Variants in ZBTB7C observed in about 807,000 individuals in gnomAD.
ZBTB7C encodes the protein zinc finger and BTB domain-containing protein 7C.
In ZBTB7C, 8 loss-of-function variants were observed where a neutral mutation model predicts 25.7. The observed-to-expected ratio is 0.31, with a 90% CI of 0.18 to 0.56. The LOEUF is 0.56. Among genes scored for constraint, ZBTB7C ranks in the 20% least tolerant of loss-of-function variants. The probability of loss-of-function intolerance (pLI) is 0.91; values close to 1 mark genes in which losing one functional copy is unlikely to be tolerated. For missense variants in ZBTB7C, 824 were observed against 855.2 expected (o/e 0.96, Z 0.46); for synonymous variants, 394 against 369.0 (o/e 1.07, Z -0.78).
rs558365706 is a variant in ZBTB7C, at chr18:48,139,722, C to T, written c.-17+46212G>A. On this transcript the variant is annotated intron_variant, in intron 3 of 4. Transcript: ENST00000590800. ...GCCCCACCACCCCTCCAGCCTCCCT[C>T]GGTGCCAGCTGCCTCCTGGGAACAG... Among the ~76,000 whole-genome samples the T allele has an allele frequency of 1.0e-3, 154 of 152,116 alleles. 1 individual carries two copies. Among genetic ancestry groups the T allele is most frequent in the African/African-American group, 3.6e-3 (150 of 41,516 alleles).
At chr18:48,319,375 C>G (rs892383261) in intron 2 of ZBTB7C, among the ~76,000 whole-genome samples, 1 of 152,118 alleles carries the variant, frequency 6.6e-6, no homozygotes, top group African/African-American at 2.4e-5. Flanking sequence ...GTTTTCCTAT[C>G]CGTTAAATGG....
intron 2 of ZBTB7C, among the ~76,000 whole-genome samples, chr18:48,193,608 G>A (rs536089022): frequency 5.1e-4 from 77 of 152,300 alleles, no homozygotes; most frequent in Non-Finnish European, 7.6e-4. Flanking sequence ...GGCACTTGCC[G>A]CAGCGCTGAG....
intron 2 of ZBTB7C, among the ~76,000 whole-genome samples, chr18:48,251,313 T>G (rs1043954754): frequency 6.6e-6 from 1 of 152,120 alleles, no homozygotes; most frequent in Non-Finnish European, 1.5e-5. Context: ...GTTGATAGCA[T>G]TTATTTGTAT....
intron 3 of ZBTB7C, among the ~76,000 whole-genome samples, chr18:48,136,751 G>A (rs1266835783): frequency 6.6e-6 from 1 of 152,292 alleles, no homozygotes; most frequent in South Asian, 2.1e-4. Context: ...AGAGGTGCGT[G>A]GCCCCACGCC....
intron 2 of ZBTB7C, among the ~76,000 whole-genome samples, chr18:48,238,609 A>G (rs6507826): frequency 0.61 from 92,562 of 152,072 alleles, 29,179 homozygotes; most frequent in East Asian, 0.83. Flanking sequence ...GAAGCAGCAA[A>G]AAGATCTCTG....
chr18:48,086,870 T>C (rs1302399951), intron 3 of ZBTB7C, among the ~76,000 whole-genome samples: 4 of 152,256 alleles, frequency 2.6e-5, no homozygotes, highest in Non-Finnish European at 5.9e-5. Flanking sequence ...AACTCTGTGC[T>C]GGAGTGGGCC....
chr18:48,389,645 CA>C (rs1387352748), intron 1 of ZBTB7C, among the ~76,000 whole-genome samples: 1 of 151,988 alleles, frequency 6.6e-6, no homozygotes, highest in Non-Finnish European at 1.5e-5. Context: ...ACCCTAAGCC[CA>C]AACCCCAGCC....
chr18:48,279,540 G>A (rs1178521661), intron 2 of ZBTB7C, among the ~76,000 whole-genome samples: 1 of 152,190 alleles, frequency 6.6e-6, no homozygotes, highest in African/African-American at 2.4e-5. Context: ...AGGACTGCAC[G>A]GGGCCTGGGG....
intron 2 of ZBTB7C, among the ~76,000 whole-genome samples, chr18:48,256,299 GA>G (rs1171886454): frequency 6.6e-6 from 1 of 151,820 alleles, no homozygotes; most frequent in African/African-American, 2.4e-5. Context: ...ATTACATGCA[GA>G]AAAAAGTATA....
At chr18:48,037,413 T>C (rs891271145) in intron 4 of ZBTB7C, among the ~76,000 whole-genome samples, 5 of 152,316 alleles carry the variant, frequency 3.3e-5, no homozygotes, top group African/African-American at 9.6e-5. Context: ...GAACCTGGAA[T>C]GTCACCCTCC....
At chr18:48,147,009 A>G (rs531723344) in intron 3 of ZBTB7C, among the ~76,000 whole-genome samples, 1 of 152,344 alleles carries the variant, frequency 6.6e-6, no homozygotes, top group African/African-American at 2.4e-5. Context: ...GTCTTCAACA[A>G]TCAGGGACTA....
At chr18:48,076,940 C>A (rs1293339615) in intron 3 of ZBTB7C, 1 of 985,102 alleles carries the variant, frequency 1.0e-6, no homozygotes, top group African/African-American at 1.7e-5. Context: ...ACTAACCTGG[C>A]TTTAACACTT....
intron 2 of ZBTB7C, among the ~76,000 whole-genome samples, chr18:48,321,314 G>A (rs185618750): frequency 6.6e-6 from 1 of 152,202 alleles, no homozygotes; most frequent in African/African-American, 2.4e-5. Context: ...CCACAGATGT[G>A]AGGCACCTCT....
At chr18:48,161,700 G>A (rs868466970) in intron 3 of ZBTB7C, among the ~76,000 whole-genome samples, 1 of 146,582 alleles carries the variant, frequency 6.8e-6, no homozygotes, top group South Asian at 2.2e-4. Context: ...TGCCCGGCCC[G>A]GCCCGGCCCG....
intron 1 of ZBTB7C, among the ~76,000 whole-genome samples, chr18:48,383,272 A>G (rs1387906234): frequency 1.3e-5 from 2 of 152,050 alleles, no homozygotes; most frequent in Non-Finnish European, 2.9e-5. Flanking sequence ...TTATTTATTT[A>G]TTTATTTAAG....
At chr18:48,197,312 T>C (rs1477101474) in intron 2 of ZBTB7C, among the ~76,000 whole-genome samples, 4 of 152,226 alleles carry the variant, frequency 2.6e-5, no homozygotes. Context: ...CTTTTATTGT[T>C]TTGAATTGGC....
At chr18:48,375,787 G>A (rs2047506219) in intron 1 of ZBTB7C, among the ~76,000 whole-genome samples, 1 of 152,222 alleles carries the variant, frequency 6.6e-6, no homozygotes, top group African/African-American at 2.4e-5. Context: ...TTTGCATGGA[G>A]AGGGCTCTCC....
At chr18:48,074,310 G>A (rs1485158683) in intron 3 of ZBTB7C, among the ~76,000 whole-genome samples, 2 of 152,146 alleles carry the variant, frequency 1.3e-5, no homozygotes, top group Admixed American at 6.5e-5. Context: ...CACCACGCCC[G>A]GCCCATTATG....
chr18:48,407,402 G>A (rs2048305374), intron 1 of ZBTB7C, among the ~76,000 whole-genome samples: 1 of 152,262 alleles, frequency 6.6e-6, no homozygotes, highest in African/African-American at 2.4e-5. Context: ...TGCAGTGACA[G>A]TCCTGGTTTT....
Sources: allele counts gnomAD v4.1 joint callset (sites outside exome capture counted in the v4.1 genomes callset), GRCh38; gene constraint gnomAD v4.1.1; transcripts MANE v1.5; gene names NCBI Gene and HGNC (gene_info 2026-07-23, HGNC 2026-07-21).